Variants in DACH1 observed in about 807,000 individuals in gnomAD.
DACH1 encodes the protein dachshund family transcription factor 1.
In DACH1, 12 loss-of-function variants were observed where a neutral mutation model predicts 54.2. That is an observed-to-expected ratio of 0.22 (90% CI 0.14 to 0.36). The LOEUF (loss-of-function observed/expected upper bound fraction) is 0.36, where lower values mean the gene tolerates loss of function less well. DACH1 is among the 10% of genes least tolerant of loss of function. The pLI, the probability that DACH1 is intolerant of heterozygous loss-of-function variation, is 1.00. For missense variants in DACH1, 805 were observed against 929.8 expected (o/e 0.87, Z 1.75); for synonymous variants, 386 against 366.2 (o/e 1.05, Z -0.62).
rs1307898576 is a variant in DACH1 at position 71,567,729 on chromosome 13, G to T, written c.1299+5111C>A. Among the ~76,000 whole-genome samples the T allele has an allele frequency of 2.0e-5, 3 of 152,078 alleles. No homozygotes were observed. The East Asian group carries it at 5.8e-4, about 29-fold the overall frequency. Reference sequence around the variant, plus strand: ...AAATAATTTGTCTATGGTCACACTGGTTGGAGGTGATAAAGTCGAAATGCA... The same window carrying T: ...AAATAATTTGTCTATGGTCACACTGTTTGGAGGTGATAAAGTCGAAATGCA... On this transcript the variant is annotated intron_variant, in intron 4 of 10. Transcript: ENST00000613252.
At chr13:71,573,783 A>G (rs1241798450) in intron 3 of DACH1, among the ~76,000 whole-genome samples, 2 of 152,174 alleles carry the variant, frequency 1.3e-5, no homozygotes, top group Non-Finnish European at 2.9e-5. Flanking sequence ...TTAAAAAAAT[A>G]TATATTCCGG....
At chr13:71,552,635 T>C (rs1020885542) in intron 6 of DACH1, among the ~76,000 whole-genome samples, 1 of 150,968 alleles carries the variant, frequency 6.6e-6, no homozygotes, top group Non-Finnish European at 1.5e-5. Flanking sequence ...CCTATTTATA[T>C]ACCACAAATG....
At position 71,488,408 on chromosome 13, in the gene DACH1, C is replaced by T. The variant is rs184048103; in HGVS notation, c.1722+589G>A. On this transcript the variant is annotated intron_variant, in intron 7 of 10. Coordinates refer to ENST00000613252, the MANE Select transcript of DACH1 (RefSeq NM_080759.6). ...TTGTTAACTGTAAGTATTTTTGATT[C>T]ATAATGTACTGTACATAAAATATAC... Among the ~76,000 whole-genome samples the T allele has an allele frequency of 3.2e-4, 49 of 152,192 alleles. 1 individual carries two copies. The highest frequency in any genetic ancestry group is 2.9e-3 in the Admixed American group (44 of 15,280).
chr13:71,821,158 C>A (rs1888170472), intron 1 of DACH1, among the ~76,000 whole-genome samples: 1 of 152,130 alleles, frequency 6.6e-6, no homozygotes, highest in Admixed American at 6.5e-5. Flanking sequence ...CCTACTTCTC[C>A]CATTTGTGAA....
chr13:71,580,268 C>T (rs1419140362), intron 3 of DACH1, among the ~76,000 whole-genome samples: 2 of 152,110 alleles, frequency 1.3e-5, no homozygotes, highest in African/African-American at 4.8e-5. Flanking sequence ...TTTCTTATTG[C>T]CATGTTAATG....
In DACH1 at chr13:71,658,463, T is replaced by A. The variant is rs117338246; in HGVS notation, c.964+23332A>T. Among the ~76,000 whole-genome samples, 694 of 151,972 alleles carry A rather than the reference T, an allele frequency of 4.6e-3. 4 individuals are homozygous for A. The highest frequency in any genetic ancestry group is 0.024 in the East Asian group (122 of 5,160). On this transcript the variant is annotated intron_variant, in intron 2 of 10. Coordinates refer to ENST00000613252, the MANE Select transcript of DACH1 (RefSeq NM_080759.6). ...TACTTGGCAGGCTGAGGCAAGAAAATCTCTTGAACCCGGGAGGCTGAGGTT... is the reference window on the plus strand; with the variant it reads ...TACTTGGCAGGCTGAGGCAAGAAAAACTCTTGAACCCGGGAGGCTGAGGTT...
At chr13:71,595,429 A>C (rs185277255) in intron 3 of DACH1, among the ~76,000 whole-genome samples, 1 of 152,164 alleles carries the variant, frequency 6.6e-6, no homozygotes, top group Non-Finnish European at 1.5e-5. Flanking sequence ...GGCTACCATC[A>C]AAAAGAAGGG....
intron 3 of DACH1, among the ~76,000 whole-genome samples, chr13:71,576,394 G>A (rs1803310583): frequency 1.3e-5 from 2 of 152,178 alleles, no homozygotes; most frequent in Non-Finnish European, 2.9e-5. Context: ...TCCTCTCCCC[G>A]CTTAGTGCCT....
intron 1 of DACH1, among the ~76,000 whole-genome samples, chr13:71,802,163 T>G (rs1052099340): frequency 6.6e-6 from 1 of 152,116 alleles, no homozygotes; most frequent in African/African-American, 2.4e-5. Context: ...AGCCTTTTTT[T>G]TTCCTGTCTG....
rs897498407 is a variant in DACH1 at position 71,865,864 on chromosome 13, A to G, written c.848+58T>C. The G allele has an allele frequency of 2.7e-6, 4 of 1,470,598 alleles. No homozygotes were observed. In the African/African-American group the frequency reaches 4.4e-5, roughly 16 times the overall value. 91.1% of individuals were successfully genotyped at this position (1,470,598 alleles called of 1,614,324 possible). On this transcript the variant is annotated intron_variant, in intron 1 of 10. Transcript: ENST00000613252. ...GCGGCGCCGGGAAAGGAGCGAGGGC[A>G]GGCGAGCAGGCTGGTGGGAAGGGGC...
intron 1 of DACH1, among the ~76,000 whole-genome samples, chr13:71,808,297 G>T: frequency 6.6e-6 from 1 of 151,824 alleles, no homozygotes; most frequent in Non-Finnish European, 1.5e-5. Flanking sequence ...TTTTTTTGTG[G>T]TCATTATTCC....
At chr13:71,661,806 C>T (rs1201859614) in intron 2 of DACH1, among the ~76,000 whole-genome samples, 1 of 151,812 alleles carries the variant, frequency 6.6e-6, no homozygotes, top group Non-Finnish European at 1.5e-5. Flanking sequence ...CAATATGGTC[C>T]ACACAGTTTC....
intron 6 of DACH1, among the ~76,000 whole-genome samples, chr13:71,543,453 A>G (rs760464039): frequency 1.7e-4 from 26 of 152,252 alleles, no homozygotes; most frequent in South Asian, 8.3e-4. Context: ...TTCAGAGGAA[A>G]AAACATCAAA....
At chr13:71,615,137 G>C (rs569024096) in intron 3 of DACH1, among the ~76,000 whole-genome samples, 32 of 151,978 alleles carry the variant, frequency 2.1e-4, no homozygotes, top group African/African-American at 7.5e-4. Flanking sequence ...AACTATAAAA[G>C]CTTATGTTCT....
At chr13:71,837,360 G>C (rs1329953672) in intron 1 of DACH1, among the ~76,000 whole-genome samples, 1 of 151,712 alleles carries the variant, frequency 6.6e-6, no homozygotes, top group Non-Finnish European at 1.5e-5. Flanking sequence ...TACATATTCT[G>C]TAATAGTATT....
At chr13:71,441,845 T>C (rs538592767) in intron 10 of DACH1, among the ~76,000 whole-genome samples, 1 of 152,108 alleles carries the variant, frequency 6.6e-6, no homozygotes, top group Non-Finnish European at 1.5e-5. Context: ...GCCCAAATTA[T>C]ATATTCCTCT....
At chr13:71,717,844 T>A (rs527584781) in intron 1 of DACH1, among the ~76,000 whole-genome samples, 1 of 152,116 alleles carries the variant, frequency 6.6e-6, no homozygotes, top group South Asian at 2.1e-4. Flanking sequence ...TCTTTCGTTT[T>A]TTCAGTCAAA....
At chr13:71,817,364 C>T (rs1000066650) in intron 1 of DACH1, among the ~76,000 whole-genome samples, 3 of 152,168 alleles carry the variant, frequency 2.0e-5, no homozygotes, top group Non-Finnish European at 2.9e-5. Flanking sequence ...TCTTTGCCAT[C>T]ATTACAGCTC....
At chr13:71,566,357 C>T (rs542234678) in intron 4 of DACH1, among the ~76,000 whole-genome samples, 2 of 152,162 alleles carry the variant, frequency 1.3e-5, no homozygotes, top group South Asian at 2.1e-4. Context: ...TGCTTGGTTG[C>T]CTTTTATGAT....
Sources: gnomAD v4.1 joint callset for allele counts (sites outside exome capture counted in the v4.1 genomes callset) on GRCh38, gnomAD v4.1.1 for gene constraint, MANE v1.5 for transcripts, NCBI Gene and HGNC (gene_info 2026-07-23, HGNC 2026-07-21) for gene names.